Variants in ANO1 observed in about 807,000 individuals in gnomAD.
ANO1 encodes the protein anoctamin-1.
ANO1 carries 59 observed loss-of-function variants against 124.0 expected under a neutral mutation model. That is an observed-to-expected ratio of 0.48 (90% confidence interval 0.39 to 0.59). The LOEUF (loss-of-function observed/expected upper bound fraction) is 0.59. Among genes scored for constraint, ANO1 ranks in the 20% least tolerant of loss-of-function variants. The probability of loss-of-function intolerance (pLI) is 0.00; values close to 1 mark genes in which losing one functional copy is unlikely to be tolerated. For synonymous variants in ANO1, 529 were observed against 532.0 expected (o/e 0.99, Z 0.08); for missense variants, 1,059 against 1,328.0 (o/e 0.80, Z 3.15).
chr11:70,161,083 A>T, intron 16 of ANO1, 78 bp from the exon 17 acceptor site: 1 of 1,334,882 alleles, frequency 7.5e-7, no homozygotes, highest in Non-Finnish European at 1.0e-6. Flanking sequence ...GGACAGCTGG[A>T]CTGAGGGAGC....
intron 1 of ANO1, among the ~76,000 whole-genome samples, chr11:70,047,053 C>T (rs1182579362): frequency 7.2e-6 from 1 of 139,472 alleles, no homozygotes; most frequent in African/African-American, 2.8e-5. Context: ...GTATTCCAGC[C>T]TGGGTGACAA....
Position 70,167,367 on chromosome 11 carries a change from C to A in ANO1, c.2177C>A (p.Thr726Asn), listed in dbSNP as rs1365093300. 5.0e-6 allele frequency: 8 copies of A among 1,612,378 alleles called. No individual in the cohort carries two copies. Among genetic ancestry groups the A allele is most frequent in the Non-Finnish European group, 6.8e-6 (8 of 1,179,116 alleles). ...AACCTGGAGCCCTTCGCGGGCCTCA[C>A]CCCAGAGTACATGGAAATGAGTGAG... ...DYNLEPFAGL[T>N]PEYMEMIIQF... Residue 726 changes from threonine to asparagine, a missense_variant, in exon 21 of 26, where the codon ACC (threonine) becomes AAC (asparagine). Thr to Asn is a moderately conservative substitution (Grantham distance 65). Transcript: ENST00000355303.
At chr11:70,067,438 C>T (rs1857758742) in intron 1 of ANO1, among the ~76,000 whole-genome samples, 1 of 151,664 alleles carries the variant, frequency 6.6e-6, no homozygotes, top group Non-Finnish European at 1.5e-5. Flanking sequence ...AGCAATTGTC[C>T]TGCCTCAGTC....
At chr11:70,012,656 T>C (rs572852583) in intron 1 of ANO1, among the ~76,000 whole-genome samples, 1 of 149,958 alleles carries the variant, frequency 6.7e-6, no homozygotes, top group Non-Finnish European at 1.5e-5. Flanking sequence ...TCCATCTATC[T>C]ATCCATCCAT....
intron 1 of ANO1, chr11:70,085,309 C>T: frequency 7.3e-7 from 1 of 1,363,658 alleles, no homozygotes. Flanking sequence ...GCCAGCCCTC[C>T]CCCACCCTTC....
At chr11:70,102,100 C>G (rs764673716) in intron 2 of ANO1, among the ~76,000 whole-genome samples, 2 of 152,166 alleles carry the variant, frequency 1.3e-5, no homozygotes, top group South Asian at 2.1e-4. Flanking sequence ...CTATTAAACG[C>G]GAAATCCAGA....
chr11:70,157,306 G>A (rs777920200), intron 16 of ANO1, among the ~76,000 whole-genome samples: 7 of 151,406 alleles, frequency 4.6e-5, no homozygotes, highest in Non-Finnish European at 1.0e-4. Context: ...GGCAGAGGTT[G>A]CGGGGAGCCA....
At position 70,103,119 on chromosome 11, in the gene ANO1, G is replaced by A; in HGVS notation, c.495G>A (p.Leu165=). 1 of 1,613,030 alleles carries A rather than the reference G, an allele frequency of 6.2e-7. No homozygotes were observed. The highest frequency in any genetic ancestry group is 8.5e-7 in the Non-Finnish European group (1 of 1,179,554). ...FVKIHAPWNV[L]CREAEFLKLK... ...AAATCCATGCCCCCTGGAACGTGCT[G>A]TGCAGAGAGGCCGAGTTTCTGAAAC... The change falls in exon 3 of 26, where the codon CTG becomes CTA. Residue 165 remains leucine, a synonymous_variant. Coordinates refer to ENST00000355303, the MANE Select transcript of ANO1 (RefSeq NM_018043.7).
At chr11:70,117,131 G>T in intron 8 of ANO1, among the ~76,000 whole-genome samples, 2 of 111,212 alleles carry the variant, frequency 1.8e-5, no homozygotes, top group South Asian at 3.2e-4. Context: ...TTGAGTTGGA[G>T]TCGCACTTTG....
chr11:70,165,505 C>T lies in ANO1; in HGVS notation c.1986C>T (p.Ile662=). ...GGGGCTGCCTGATGGAGCTATGCAT[C>T]CAGCTCAGCATCATCATGCTGGGGA... ...APGGCLMELC[I]QLSIIMLGKQ... The change falls in exon 20 of 26, where the codon ATC becomes ATT. Residue 662 remains isoleucine, a synonymous_variant. Coordinates refer to ENST00000355303, the MANE Select transcript of ANO1 (RefSeq NM_018043.7). 1 of 1,612,054 alleles carries T rather than the reference C, an allele frequency of 6.2e-7. No individual in the cohort carries two copies. The highest frequency in any genetic ancestry group is 8.5e-7 in the Non-Finnish European group (1 of 1,179,216).
chr11:70,160,704 C>T (rs944407663), intron 16 of ANO1, among the ~76,000 whole-genome samples: 1 of 152,216 alleles, frequency 6.6e-6, no homozygotes, highest in African/African-American at 2.4e-5. Flanking sequence ...TGTCCCTGAG[C>T]TCACCATGGG....
chr11:69,968,781 C>T, the ANO1 span, among the ~76,000 whole-genome samples: 19,404 of 152,268 alleles, frequency 0.13, 1,402 homozygotes, highest in Admixed American at 0.21. Context: ...ACCTCTCTTT[C>T]GTGGACAGGA....
intron 1 of ANO1, among the ~76,000 whole-genome samples, chr11:70,062,846 AGACGTT>A (rs1857622692): frequency 6.6e-6 from 1 of 152,234 alleles, no homozygotes; most frequent in Non-Finnish European, 1.5e-5. Context: ...ATATTGGGCA[AGACGTT>A]GGACTTCCCT....
In ANO1 at chr11:70,132,826, G is replaced by C. The variant is rs1335793462; in HGVS notation, c.1258+747G>C. Among the ~76,000 whole-genome samples the C allele has an allele frequency of 5.3e-5, 8 of 152,360 alleles. No homozygotes were observed. The East Asian group carries it at 1.5e-3, about 29-fold the overall frequency. ...AGCTTTGAGATGCCCACAGTGGGCA[G>C]CCTGTGCTGAGCCATCTCCCAGGCC... is the stretch of plus-strand genomic sequence containing the variant. On this transcript the variant is annotated intron_variant, in intron 11 of 25. Transcript: ENST00000355303.
chr11:70,116,349 T>G, intron 7 of ANO1, 109 bp from the exon 8 acceptor site: 1 of 1,131,976 alleles, frequency 8.8e-7, no homozygotes, highest in Non-Finnish European at 1.3e-6. Context: ...ATGATCTTAA[T>G]TTGTGTCAAC....
chr11:70,102,171 G>C (rs908330635), intron 2 of ANO1, among the ~76,000 whole-genome samples: 1 of 152,212 alleles, frequency 6.6e-6, no homozygotes, highest in Non-Finnish European at 1.5e-5. Flanking sequence ...GATTAAGAGT[G>C]GGGAGTCAGG....
chr11:70,011,166 G>A (rs1237614771), intron 1 of ANO1, among the ~76,000 whole-genome samples: 1 of 152,192 alleles, frequency 6.6e-6, no homozygotes, highest in East Asian at 1.9e-4. Context: ...AAAGGTGCAG[G>A]AAGGGTGTCG....
At chr11:70,083,108 C>T (rs748981847) in intron 1 of ANO1, among the ~76,000 whole-genome samples, 15 of 152,202 alleles carry the variant, frequency 9.9e-5, no homozygotes, top group Non-Finnish European at 1.8e-4. Flanking sequence ...CCATCTTTCA[C>T]TTGTGGTCCA....
chr11:70,039,523 G>A (rs1253850125), intron 1 of ANO1, among the ~76,000 whole-genome samples: 1 of 151,702 alleles, frequency 6.6e-6, no homozygotes, highest in Non-Finnish European at 1.5e-5. Context: ...TATCCAGTAG[G>A]ACCCTTTAAA....
Sources: gnomAD v4.1 joint callset for allele counts (sites outside exome capture counted in the v4.1 genomes callset) on GRCh38, gnomAD v4.1.1 for gene constraint, MANE v1.5 for transcripts, NCBI Gene and HGNC (gene_info 2026-07-23, HGNC 2026-07-21) for gene names.